The following SCAF11 variants were observed in gnomAD, a reference collection of about 807,000 sequenced individuals.
SCAF11 encodes the protein protein SCAF11.
A neutral mutation model predicts 140.5 loss-of-function variants in SCAF11; 47 were observed. The observed-to-expected ratio is 0.33, with a 90% CI of 0.26 to 0.43. The LOEUF (loss-of-function observed/expected upper bound fraction) is 0.43, where lower values mean the gene tolerates loss of function less well. Ranked by LOEUF, SCAF11 falls within the 20% of genes least tolerant of loss-of-function variation. The pLI is 1.00. For missense variants in SCAF11, 1,645 were observed against 1,705.1 expected, an observed-to-expected ratio of 0.96 and a Z score of 0.62; for synonymous variants, 557 against 579.4, an observed-to-expected ratio of 0.96 and a Z score of 0.55.
intron 3 of SCAF11, among the ~76,000 whole-genome samples, chr12:45,958,277 T>C (rs1458135487): frequency 6.6e-6 from 1 of 152,180 alleles, no homozygotes; most frequent in Non-Finnish European, 1.5e-5. Context: ...GAAATCATAA[T>C]TGTCACTACT....
intron 1 of SCAF11, among the ~76,000 whole-genome samples, chr12:45,988,118 G>A (rs1946502924): frequency 1.3e-5 from 2 of 152,078 alleles, no homozygotes; most frequent in Non-Finnish European, 2.9e-5. Context: ...TTATTTTGGG[G>A]GACAGAGTAT....
chr12:45,948,572 T>G, intron 4 of SCAF11, 35 bp from the exon 5 acceptor site: 1 of 1,273,998 alleles, frequency 7.8e-7, no homozygotes. Flanking sequence ...AGAGCAACAA[T>G]CCAGCCTTAC....
chr12:45,948,987 G>A (rs576739566), intron 4 of SCAF11, among the ~76,000 whole-genome samples: 1 of 152,282 alleles, frequency 6.6e-6, no homozygotes, highest in South Asian at 2.1e-4. Flanking sequence ...AGCTAGATGT[G>A]AAATTGGTGA....
intron 1 of SCAF11, among the ~76,000 whole-genome samples, chr12:45,969,644 G>C (rs1306230541): frequency 6.6e-6 from 1 of 152,166 alleles, no homozygotes; most frequent in African/African-American, 2.4e-5. Flanking sequence ...CACTTTCTTT[G>C]TTTTCCCTAA....
At chr12:45,935,056 G>GT (rs1945139397) in intron 6 of SCAF11, 1 of 152,272 alleles carries the variant, frequency 6.6e-6, no homozygotes, top group African/African-American at 2.4e-5. Flanking sequence ...TGTGCTGACT[G>GT]AAACAGCTTT....
chr12:45,931,319 T>C (rs1433023046), intron 10 of SCAF11, 187 bp downstream of exon 10: 2 of 362,998 alleles, frequency 5.5e-6, no homozygotes, highest in Non-Finnish European at 1.0e-5. Flanking sequence ...TATCTATCTA[T>C]ATATACATAC....
chr12:45,953,213 TAAG>T (rs925895267), intron 3 of SCAF11, among the ~76,000 whole-genome samples: 18 of 152,208 alleles, frequency 1.2e-4, no homozygotes, highest in African/African-American at 4.1e-4. Flanking sequence ...AACTTGACCT[TAAG>T]AAGGTTTGCT....
At chr12:45,924,380 C>T (rs1944793658) in intron 12 of SCAF11, among the ~76,000 whole-genome samples, 1 of 152,222 alleles carries the variant, frequency 6.6e-6, no homozygotes, top group South Asian at 2.1e-4. Context: ...TCCCCATATA[C>T]CCCCTAAACA....
intron 8 of SCAF11, 46 bp from the exon 9 acceptor site, chr12:45,933,278 G>A (rs1945095941): frequency 2.2e-6 from 3 of 1,388,330 alleles, no homozygotes; most frequent in Admixed American, 1.8e-5. Context: ...ACAATTTTAG[G>A]TTCAAAAAAA....
Position 45,961,684 on chromosome 12 carries a change from A to C in SCAF11, c.219+16T>G, listed in dbSNP as rs897672369. The C allele has an allele frequency of 1.9e-6, 3 of 1,591,856 alleles. No individual in the cohort carries two copies. Among genetic ancestry groups the C allele is most frequent in the Non-Finnish European group, 2.6e-6 (3 of 1,168,952 alleles). On this transcript the variant is annotated intron_variant, in intron 3 of 14. Transcript: ENST00000369367. ...TCATGCTAGGAAATTAAAATACATT[A>C]ATGTGTCAGACTTACCTCTGCCCAT...
At chr12:45,939,608 G>A (rs1318578380) in intron 6 of SCAF11, among the ~76,000 whole-genome samples, 2 of 152,230 alleles carry the variant, frequency 1.3e-5, no homozygotes, top group African/African-American at 4.8e-5. Flanking sequence ...TGAGACAGAA[G>A]AATTGTTTGA....
At chr12:45,960,787 C>A (rs369193001) in intron 3 of SCAF11, 1 of 152,000 alleles carries the variant, frequency 6.6e-6, no homozygotes, top group Non-Finnish European at 1.5e-5. Context: ...CAAAACATAG[C>A]GCTTTGAAAA....
intron 10 of SCAF11, chr12:45,929,346 C>T (rs1944986866): frequency 6.6e-6 from 1 of 152,342 alleles, no homozygotes; most frequent in African/African-American, 2.4e-5. Flanking sequence ...TTAATAGAGA[C>T]AGGGTTTTGC....
intron 1 of SCAF11, among the ~76,000 whole-genome samples, chr12:45,966,303 A>C (rs1188248941): frequency 6.6e-6 from 1 of 152,090 alleles, no homozygotes; most frequent in East Asian, 1.9e-4. Context: ...TATCAATGAA[A>C]GTATTCAAGC....
intron 3 of SCAF11, chr12:45,961,188 G>C (rs1945816761): frequency 3.3e-6 from 2 of 597,906 alleles, no homozygotes; most frequent in African/African-American, 3.7e-5. Context: ...CTTAAACTAT[G>C]AGATCTTGAC....
chr12:45,990,683 C>A (rs1009123254), upstream of SCAF11: 2 of 906,600 alleles, frequency 2.2e-6, no homozygotes, highest in Non-Finnish European at 2.9e-6. Context: ...CGGCGGCAGC[C>A]GGACTCGCCA....
chr12:45,991,909 C>T (rs1208867086), upstream of SCAF11: 1 of 1,287,280 alleles, frequency 7.8e-7, no homozygotes, highest in Admixed American at 2.3e-5. Flanking sequence ...CTTTCAGCCG[C>T]GCGCTCACAC....
At position 45,928,537 on chromosome 12, in the gene SCAF11, C is replaced by A. The variant is rs369442079; in HGVS notation, c.1164G>T (p.Lys388Asn). 25 of 1,613,956 alleles carry A rather than the reference C, an allele frequency of 1.5e-5. No homozygotes were observed. Among genetic ancestry groups the A allele is most frequent in the Non-Finnish European group, 1.9e-5 (23 of 1,180,012 alleles). ...GGGCAGCTACAGAGCTCCGAAGTTT[C>A]TTTTTCAGTAAAGGTGGTTTTCTTC... ...RRGRKPPLLK[K>N]KLRSSVAAPE... The change falls in exon 11 of 15, where the codon AAG (lysine) becomes AAT (asparagine). Residue 388 changes from lysine to asparagine, a missense_variant. Lys to Asn is a moderately conservative substitution (Grantham distance 94, BLOSUM62 0). Around this residue, in one of 2 missense-constraint regions of SCAF11, gnomAD observed 1,582 missense variants for 1,609.2 expected, o/e 0.98. Transcript: ENST00000369367.
intron 3 of SCAF11, chr12:45,954,898 T>C (rs1945647185): frequency 6.6e-6 from 1 of 151,318 alleles, no homozygotes; most frequent in Non-Finnish European, 1.5e-5. Flanking sequence ...GCCATTCCAT[T>C]TGATCCGTTT....
Sources: allele counts gnomAD v4.1 joint callset (sites outside exome capture counted in the v4.1 genomes callset), GRCh38; gene constraint gnomAD v4.1.1; regional missense constraint gnomAD v4.1.1; transcripts MANE v1.5; gene names NCBI Gene and HGNC (gene_info 2026-07-23, HGNC 2026-07-21).